Variants in FBXW8 observed in about 807,000 individuals in gnomAD.
The protein encoded by FBXW8 is F-box and WD repeat domain containing 8, also known as F-box/WD repeat-containing protein 8.
FBXW8 carries 57 observed loss-of-function variants against 65.3 expected under a neutral mutation model. The ratio of observed to expected loss-of-function variants is 0.87; its 90% CI spans 0.71 to 1.09. The LOEUF (loss-of-function observed/expected upper bound fraction) is 1.09, where lower values mean the gene tolerates loss of function less well. Among genes scored for constraint, FBXW8 ranks in the 50% least tolerant of loss-of-function variants. FBXW8 has a pLI of 0.00. For missense variants in FBXW8, 777 were observed against 814.8 expected (o/e 0.95, Z 0.57); for synonymous variants, 308 against 330.2 (o/e 0.93, Z 0.73).
intron 1 of FBXW8, among the ~76,000 whole-genome samples, chr12:116,923,309 T>C (rs1881053018): frequency 6.6e-6 from 1 of 151,972 alleles, no homozygotes; most frequent in Admixed American, 6.6e-5. Flanking sequence ...GTGATTTTAA[T>C]GTGTAATACA....
At chr12:117,016,768 T>G (rs977586152) in intron 8 of FBXW8, among the ~76,000 whole-genome samples, 1 of 152,218 alleles carries the variant, frequency 6.6e-6, no homozygotes, top group Non-Finnish European at 1.5e-5. Context: ...TTTTGGCTCT[T>G]ACACTGAGGT....
At chr12:117,021,069 T>C (rs1954082165) in intron 8 of FBXW8, among the ~76,000 whole-genome samples, 2 of 152,208 alleles carry the variant, frequency 1.3e-5, no homozygotes, top group African/African-American at 4.8e-5. Flanking sequence ...GGATTTCTGC[T>C]CGCCTCAGCT....
rs147833285 is a variant in FBXW8 at position 117,007,174 on chromosome 12, T to C, written c.1240-3149T>C. ...GAAATCAGAAAAAGATTTTTAGAAA[T>C]AGATTTCAGATACATCAGAATCATT... On this transcript the variant is annotated intron_variant, in intron 7 of 10. Coordinates refer to ENST00000652555, the MANE Select transcript of FBXW8 (RefSeq NM_153348.3). Among the ~76,000 whole-genome samples, 278 of 152,094 alleles carry C rather than the reference T, an allele frequency of 1.8e-3. 1 individual carries two copies. Among genetic ancestry groups the C allele is most frequent in the African/African-American group, 6.3e-3 (260 of 41,478 alleles).
chr12:116,945,046 A>G (rs1322722610), intron 2 of FBXW8, among the ~76,000 whole-genome samples: 2 of 152,242 alleles, frequency 1.3e-5, no homozygotes, highest in Non-Finnish European at 2.9e-5. Context: ...ATGATTGTAT[A>G]GCTAATTACC....
intron 5 of FBXW8, among the ~76,000 whole-genome samples, chr12:116,980,844 T>G (rs927788279): frequency 2.0e-5 from 3 of 152,240 alleles, no homozygotes; most frequent in Non-Finnish European, 4.4e-5. Flanking sequence ...CTCTCTGTGA[T>G]CATTGTGTTT....
At chr12:116,974,560 T>C (rs990569847) in intron 5 of FBXW8, among the ~76,000 whole-genome samples, 1 of 152,318 alleles carries the variant, frequency 6.6e-6, no homozygotes, top group East Asian at 1.9e-4. Flanking sequence ...TAAACTTCCA[T>C]ACTATTTTGT....
intron 1 of FBXW8, among the ~76,000 whole-genome samples, chr12:116,915,837 G>C (rs1880364727): frequency 1.3e-5 from 2 of 151,844 alleles, no homozygotes; most frequent in South Asian, 4.2e-4. Flanking sequence ...ATCTTTGGTA[G>C]AGATGGGGTT....
At chr12:116,969,642 CTTCA>C (rs986325358) in intron 5 of FBXW8, among the ~76,000 whole-genome samples, 95 of 151,798 alleles carry the variant, frequency 6.3e-4, no homozygotes, top group African/African-American at 2.1e-3. Context: ...AGTTAATGAA[CTTCA>C]GTTCTCTGGT....
At chr12:116,967,153 C>T (rs184123490) in intron 5 of FBXW8, among the ~76,000 whole-genome samples, 213 of 151,246 alleles carry the variant, frequency 1.4e-3, no homozygotes, top group African/African-American at 5.0e-3. Context: ...GTATACTTCT[C>T]TGCACCTTTT....
At chr12:116,974,200 G>A (rs1884792009) in intron 5 of FBXW8, among the ~76,000 whole-genome samples, 1 of 152,222 alleles carries the variant, frequency 6.6e-6, no homozygotes, top group Non-Finnish European at 1.5e-5. Flanking sequence ...GGAGCTCCCA[G>A]AGGGAGAACC....
intron 2 of FBXW8, among the ~76,000 whole-genome samples, chr12:116,938,832 C>T (rs1399689142): frequency 6.6e-6 from 1 of 152,174 alleles, no homozygotes; most frequent in African/African-American, 2.4e-5. Flanking sequence ...CTATTTGGGG[C>T]CAGTCTTGTG....
chr12:116,960,943 A>T (rs114028327), intron 4 of FBXW8, among the ~76,000 whole-genome samples: 2,099 of 152,286 alleles, frequency 0.014, 57 homozygotes, highest in African/African-American at 0.048. Flanking sequence ...AGGGGTTGGT[A>T]GGATTGGGCT....
chr12:116,978,347 A>T (rs975453799), intron 5 of FBXW8: 1 of 152,154 alleles, frequency 6.6e-6, no homozygotes, highest in African/African-American at 2.4e-5. Context: ...TGCATTTCAG[A>T]GTGGTGATGT....
At chr12:117,025,747 A>G (rs1349492429) in intron 9 of FBXW8, among the ~76,000 whole-genome samples, 1 of 151,772 alleles carries the variant, frequency 6.6e-6, no homozygotes, top group East Asian at 1.9e-4. Flanking sequence ...GGCAACTAAA[A>G]CTCCCGCACT....
chr12:116,920,616 G>A (rs898521559), intron 1 of FBXW8, among the ~76,000 whole-genome samples: 1 of 152,180 alleles, frequency 6.6e-6, no homozygotes, highest in African/African-American at 2.4e-5. Flanking sequence ...ATTTCATGGA[G>A]AACCTAAAGG....
intron 5 of FBXW8, among the ~76,000 whole-genome samples, chr12:116,977,006 C>T (rs1423842570): frequency 6.6e-6 from 1 of 152,084 alleles, no homozygotes; most frequent in Admixed American, 6.5e-5. Flanking sequence ...GGAGGGAGAC[C>T]CGAGAGCCCC....
At chr12:116,964,181 T>G (rs1277292743) in intron 4 of FBXW8, among the ~76,000 whole-genome samples, 1 of 152,236 alleles carries the variant, frequency 6.6e-6, no homozygotes, top group Non-Finnish European at 1.5e-5. Context: ...ATTTAATTGT[T>G]TCAGCAAATC....
chr12:116,928,796 G>A (rs377641661), intron 2 of FBXW8, among the ~76,000 whole-genome samples: 7 of 152,116 alleles, frequency 4.6e-5, no homozygotes, highest in African/African-American at 1.4e-4. Flanking sequence ...GGAAGTCTGC[G>A]GTGGGGCCTG....
At chr12:117,016,542 C>A (rs1335611189) in intron 8 of FBXW8, among the ~76,000 whole-genome samples, 2 of 151,912 alleles carry the variant, frequency 1.3e-5, no homozygotes, top group African/African-American at 4.8e-5. Context: ...ATGTGATTTG[C>A]AAAATATTTT....
Sources: allele counts gnomAD v4.1 joint callset (sites outside exome capture counted in the v4.1 genomes callset), GRCh38; gene constraint gnomAD v4.1.1; transcripts MANE v1.5; gene names NCBI Gene and HGNC (gene_info 2026-07-23, HGNC 2026-07-21).